SLIT2: variants seen among roughly 807,000 people sequenced by gnomAD.
The protein encoded by SLIT2 is slit guidance ligand 2.
In SLIT2, 41 loss-of-function variants were observed where a neutral mutation model predicts 185.7. The ratio of observed to expected loss-of-function variants is 0.22; its 90% CI spans 0.17 to 0.29. The LOEUF is 0.29. Among genes scored for constraint, SLIT2 ranks in the 10% least tolerant of loss-of-function variants. SLIT2 has a pLI of 1.00. For synonymous variants in SLIT2, 693 were observed against 680.2 expected (o/e 1.02, Z -0.29); for missense variants, 1,571 against 1,909.0 (o/e 0.82, Z 3.30).
At chr4:20,478,166 CA>C (rs1229248600) in intron 5 of SLIT2, among the ~76,000 whole-genome samples, 2 of 152,060 alleles carry the variant, frequency 1.3e-5, no homozygotes, top group African/African-American at 2.4e-5. Context: ...CTTTGAATAT[CA>C]AAAAATTGAC....
At chr4:20,319,931 A>G (rs1205277959) in intron 4 of SLIT2, among the ~76,000 whole-genome samples, 1 of 152,184 alleles carries the variant, frequency 6.6e-6, no homozygotes, top group Non-Finnish European at 1.5e-5. Context: ...TCTCAGCAAG[A>G]AAAAGCATGA....
intron 5 of SLIT2, among the ~76,000 whole-genome samples, chr4:20,469,515 T>C (rs1329206794): frequency 6.6e-6 from 1 of 152,130 alleles, no homozygotes; most frequent in Non-Finnish European, 1.5e-5. Flanking sequence ...AGCTAGTCAG[T>C]GTTCTATCTA....
chr4:20,594,870 T>C (rs903814064), intron 30 of SLIT2, among the ~76,000 whole-genome samples: 1 of 152,164 alleles, frequency 6.6e-6, no homozygotes, highest in Admixed American at 6.5e-5. Context: ...TTCCTTAGTC[T>C]CCTCACCTGT....
At position 20,610,159 on chromosome 4, in the gene SLIT2, A is replaced by G. The variant is rs1003776170; in HGVS notation, c.3839A>G (p.Tyr1280Cys). 6.2e-7 allele frequency: 1 copy of G among 1,611,480 alleles called. No individual in the cohort carries two copies. Among genetic ancestry groups the G allele is most frequent in the Non-Finnish European group, 8.5e-7 (1 of 1,178,996 alleles). ...ACTCTGAATTTTGACTCTCCACTCTATGTAGGAGGTAAGCTGTCTTCCAAA... is the reference window on the plus strand; with the variant it reads ...ACTCTGAATTTTGACTCTCCACTCTGTGTAGGAGGTAAGCTGTCTTCCAAA... ...QSTLNFDSPL[Y>C]VGGMPGKSNV... Residue 1280 changes from tyrosine (Y) to cysteine (C), a missense_variant, in exon 34 of 37, where the codon TAT becomes TGT. By Grantham distance (194) the Tyr-to-Cys change is radical. Transcript: ENST00000504154.
At chr4:20,448,261 A>G (rs1319617431) in intron 4 of SLIT2, among the ~76,000 whole-genome samples, 3 of 152,148 alleles carry the variant, frequency 2.0e-5, no homozygotes, top group Non-Finnish European at 1.5e-5. Context: ...ATATGACCCA[A>G]TGGTAATTTA....
chr4:20,254,071 C>T lies in SLIT2; in HGVS notation c.179+77C>T, dbSNP rs1722265870. ...TGCCTCCACTGGAGGAACCTGTCAG[C>T]TCAGGGTCCTGTGCCTGGGGCAGCC... On this transcript the variant is annotated intron_variant, in intron 1 of 36. Transcript: ENST00000504154. The surrounding 1 kb of genome is among the most constrained non-coding windows in gnomAD (Gnocchi z 5.1). The T allele has an allele frequency of 7.0e-7, 1 of 1,437,856 alleles. No individual in the cohort carries two copies. The highest frequency in any genetic ancestry group is 9.5e-7 in the Non-Finnish European group (1 of 1,052,038). 89.1% of individuals were successfully genotyped at this position (1,437,856 alleles called of 1,614,324 possible).
intron 5 of SLIT2, among the ~76,000 whole-genome samples, chr4:20,474,527 T>C (rs549058518): frequency 4.6e-5 from 7 of 152,088 alleles, no homozygotes; most frequent in Non-Finnish European, 1.0e-4. Context: ...AAATGCCTTC[T>C]AGAACAAAAC....
chr4:20,613,004 C>T (rs1041088606), intron 34 of SLIT2, among the ~76,000 whole-genome samples: 1 of 150,916 alleles, frequency 6.6e-6, no homozygotes, highest in African/African-American at 2.4e-5. Context: ...CAAAAAATAA[C>T]AGCTGCTGGC....
In SLIT2 at chr4:20,254,665, G is replaced by C. The variant is rs1324209788; in HGVS notation, c.179+671G>C. ...CAGGCCCCTAGGGACTTGTCTCAGCGGGCGACTGCGAGGGAGGACCGTGTC... is the reference window on the plus strand; with the variant it reads ...CAGGCCCCTAGGGACTTGTCTCAGCCGGCGACTGCGAGGGAGGACCGTGTC... On this transcript the variant is annotated intron_variant, in intron 1 of 36. Coordinates refer to ENST00000504154, the MANE Select transcript of SLIT2 (RefSeq NM_004787.4). The surrounding 1 kb of genome is among the most constrained non-coding windows in gnomAD (Gnocchi z 5.1). 3.3e-5 allele frequency among the ~76,000 whole-genome samples: 5 copies of C among 152,048 alleles called. No homozygotes were observed. The highest frequency in any genetic ancestry group is 1.9e-4 in the East Asian group (1 of 5,130).
chr4:20,543,820 A>C (rs940656112), intron 21 of SLIT2, among the ~76,000 whole-genome samples: 1 of 152,182 alleles, frequency 6.6e-6, no homozygotes, highest in African/African-American at 2.4e-5. Flanking sequence ...GTCCTCTCTC[A>C]CTACCAATCA....
At chr4:20,532,115 T>C (rs968385252) in intron 17 of SLIT2, 57 bp downstream of exon 17, 3 of 983,158 alleles carry the variant, frequency 3.1e-6, no homozygotes, top group African/African-American at 3.3e-5. Flanking sequence ...GGTGTTCATT[T>C]CAGTTAAGTT....
At chr4:20,527,875 A>G (rs1721438916) in intron 15 of SLIT2, among the ~76,000 whole-genome samples, 1 of 152,012 alleles carries the variant, frequency 6.6e-6, no homozygotes, top group Non-Finnish European at 1.5e-5. Flanking sequence ...CTGTAAGTAA[A>G]AGTGTCTGAT....
In SLIT2 at chr4:20,472,603, GATATAT is replaced by G. The variant is rs1715629388; in HGVS notation, c.467+4781_467+4786del. ...ATCTATATATAGATATATATCTATA[GATATAT>G]CTATATATATCGATATATCTATATA... On this transcript the variant is annotated intron_variant, in intron 5 of 36. Transcript: ENST00000504154. 2.7e-4 allele frequency among the ~76,000 whole-genome samples: 2 copies of G among 7,430 alleles called. 1 individual carries two copies. The highest frequency in any genetic ancestry group is 1.5e-3 in the African/African-American group (2 of 1,328). The allele number at this position is 7,430 out of a possible 152,430, so 4.9% of individuals were successfully genotyped here.
At chr4:20,594,587 A>G (rs563452364) in intron 30 of SLIT2, among the ~76,000 whole-genome samples, 25 of 152,136 alleles carry the variant, frequency 1.6e-4, no homozygotes, top group African/African-American at 5.1e-4. Flanking sequence ...ATGGTCCCCT[A>G]TAGGTCCACA....
chr4:20,453,783 T>C (rs1712745731), intron 4 of SLIT2, among the ~76,000 whole-genome samples: 1 of 152,192 alleles, frequency 6.6e-6, no homozygotes, highest in South Asian at 2.1e-4. Context: ...CAGGCACTTA[T>C]TCTATGCTGA....
At chr4:20,414,773 G>C (rs530136801) in intron 4 of SLIT2, among the ~76,000 whole-genome samples, 1 of 152,084 alleles carries the variant, frequency 6.6e-6, no homozygotes, top group Non-Finnish European at 1.5e-5. Flanking sequence ...ATGATGGTCC[G>C]CTTTTTTCTT....
At chr4:20,381,070 A>C (rs537715406) in intron 4 of SLIT2, among the ~76,000 whole-genome samples, 1 of 152,104 alleles carries the variant, frequency 6.6e-6, no homozygotes, top group South Asian at 2.1e-4. Context: ...CCTGGCCAAC[A>C]TGGCGAAACC....
At chr4:20,408,937 G>A (rs1245484577) in intron 4 of SLIT2, among the ~76,000 whole-genome samples, 2 of 152,134 alleles carry the variant, frequency 1.3e-5, no homozygotes, top group Non-Finnish European at 2.9e-5. Flanking sequence ...TCCTGGGGCT[G>A]CTTCTCCCAC....
At position 20,519,497 on chromosome 4, in the gene SLIT2, T is replaced by A. The variant is rs777370473; in HGVS notation, c.1130+44T>A. The A allele has an allele frequency of 1.3e-5, 15 of 1,143,246 alleles. No individual in the cohort carries two copies. The South Asian group carries it at 2.0e-4, about 15-fold the overall frequency. The allele number at this position is 1,143,246 out of a possible 1,614,324, so 70.8% of individuals were successfully genotyped here. Reference sequence around the variant, plus strand: ...TGGATCTCTCGAGCCTAATAATATATATTAGCCATTTTGTTGTCTCATATT... The same window carrying A: ...TGGATCTCTCGAGCCTAATAATATAAATTAGCCATTTTGTTGTCTCATATT... On this transcript the variant is annotated intron_variant, in intron 12 of 36. Coordinates refer to ENST00000504154, the MANE Select transcript of SLIT2 (RefSeq NM_004787.4).
Sources: gnomAD v4.1 joint callset for allele counts (sites outside exome capture counted in the v4.1 genomes callset) on GRCh38, gnomAD v4.1.1 for gene constraint, Gnocchi (gnomAD v3.1) non-coding constraint, MANE v1.5 for transcripts, NCBI Gene and HGNC (gene_info 2026-07-23, HGNC 2026-07-21) for gene names.